The following ZNF469 variants were observed in gnomAD, a reference collection of about 807,000 sequenced individuals.
ZNF469 encodes the protein zinc finger protein 469.
ZNF469 carries 1 observed loss-of-function variant against 1.0 expected under a neutral mutation model. The ratio of observed to expected loss-of-function variants is 1.00; its 90% CI spans 0.35 to 4.73. The LOEUF (loss-of-function observed/expected upper bound fraction) is 4.73, where lower values mean the gene tolerates loss of function less well. Ranked by LOEUF, ZNF469 falls within the 30% of genes most tolerant of loss-of-function variation. ZNF469 has a pLI of 0.16. For missense variants in ZNF469, 6,100 were observed against 5,356.3 expected, an observed-to-expected ratio of 1.14 and a Z score of -4.33; for synonymous variants, 2,703 against 2,363.4, an observed-to-expected ratio of 1.14 and a Z score of -4.17.
the ZNF469 span, among the ~76,000 whole-genome samples, chr16:88,265,959 G>C: frequency 6.6e-6 from 1 of 152,194 alleles, no homozygotes; most frequent in Non-Finnish European, 1.5e-5. Context: ...GGTGGGATTG[G>C]CCCAAATTTG....
At position 88,432,424 on chromosome 16, in the gene ZNF469, G is replaced by T. The variant is rs1412404517; in HGVS notation, c.4954G>T (p.Gly1652Trp). 6.5e-7 allele frequency: 1 copy of T among 1,550,168 alleles called. No individual in the cohort carries two copies. The change falls in exon 3 of 3, where the codon GGG (glycine) becomes TGG (tryptophan). Residue 1652 changes from glycine (G) to tryptophan (W), a missense_variant. Transcript: ENST00000565624. ...SAVATVEAVQ[G>W]RPGGTWPCPA... is the part of the protein sequence containing the mutation. ...TGTGGCCACCGTGGAAGCGGTTCAG[G>T]GGAGGCCTGGGGGGACGTGGCCCTG...
the ZNF469 span, among the ~76,000 whole-genome samples, chr16:88,209,980 C>T: frequency 2.0e-5 from 3 of 152,290 alleles, no homozygotes; most frequent in Admixed American, 6.5e-5. Flanking sequence ...TCCTCCAAGA[C>T]GGTTTTACCA....
At chr16:88,165,547 A>G in the ZNF469 span, among the ~76,000 whole-genome samples, 1 of 152,076 alleles carries the variant, frequency 6.6e-6, no homozygotes, top group Non-Finnish European at 1.5e-5. Flanking sequence ...GCTGGTGAGA[A>G]TCTCTGGGGA....
chr16:88,305,753 G>T, the ZNF469 span, among the ~76,000 whole-genome samples: 5 of 152,040 alleles, frequency 3.3e-5, no homozygotes, highest in East Asian at 9.7e-4. Flanking sequence ...CATACACACG[G>T]AAACACACAT....
chr16:88,309,264 G>A, the ZNF469 span, among the ~76,000 whole-genome samples: 2 of 152,274 alleles, frequency 1.3e-5, no homozygotes, highest in African/African-American at 4.8e-5. Context: ...GGCAATTTGA[G>A]GAGGGTGGGA....
At chr16:88,164,917 A>G in the ZNF469 span, among the ~76,000 whole-genome samples, 1 of 152,198 alleles carries the variant, frequency 6.6e-6, no homozygotes, top group Non-Finnish European at 1.5e-5. Context: ...TGCTTTCCAA[A>G]TTGGCTCAGG....
upstream of ZNF469, among the ~76,000 whole-genome samples, chr16:88,380,141 ACT>A (rs796958331): frequency 0.013 from 767 of 60,558 alleles, 15 homozygotes; most frequent in African/African-American, 0.2. Flanking sequence ...ACAGACACAC[ACT>A]CACACACAAA....
chr16:88,348,412 C>T, the ZNF469 span, among the ~76,000 whole-genome samples: 2 of 152,308 alleles, frequency 1.3e-5, no homozygotes, highest in South Asian at 4.1e-4. Context: ...TCCATGACAC[C>T]AGAAAAGACT....
At chr16:88,391,943 A>G (rs1464353462) in intron 1 of ZNF469, among the ~76,000 whole-genome samples, 2 of 152,390 alleles carry the variant, frequency 1.3e-5, no homozygotes, top group Middle Eastern at 3.4e-3. Context: ...ATCTAAAGAT[A>G]TGATGTATGA....
At chr16:88,193,539 A>G in the ZNF469 span, 1 of 152,178 alleles carries the variant, frequency 6.6e-6, no homozygotes, top group Non-Finnish European at 1.5e-5. Flanking sequence ...ATATCTCTAC[A>G]GAACATTTTA....
At chr16:88,106,705 C>G in the ZNF469 span, among the ~76,000 whole-genome samples, 375 of 152,342 alleles carry the variant, frequency 2.5e-3, 3 homozygotes, top group African/African-American at 8.5e-3. Context: ...TTGGTCCCAG[C>G]GATGGGCATT....
the ZNF469 span, among the ~76,000 whole-genome samples, chr16:88,208,803 A>ACACACACACT: frequency 1.6e-5 from 2 of 123,564 alleles, no homozygotes; most frequent in African/African-American, 3.1e-5. Flanking sequence ...ACACACACAC[A>ACACACACACT]CTCTCTCTCT....
At chr16:88,104,420 C>G in the ZNF469 span, among the ~76,000 whole-genome samples, 1 of 152,086 alleles carries the variant, frequency 6.6e-6, no homozygotes, top group African/African-American at 2.4e-5. Flanking sequence ...CTCTCGCCGG[C>G]CCCTTGCATT....
the ZNF469 span, among the ~76,000 whole-genome samples, chr16:88,351,705 G>A: frequency 5.6e-5 from 8 of 142,118 alleles, no homozygotes; most frequent in Admixed American, 1.5e-4. Flanking sequence ...CCCCACCGCC[G>A]GCAGCAGGCC....
the ZNF469 span, among the ~76,000 whole-genome samples, chr16:88,299,246 C>T: frequency 7.1e-6 from 1 of 141,496 alleles, no homozygotes. Flanking sequence ...CAGCTTGCGG[C>T]GGGGTAGGCT....
intron 1 of ZNF469, among the ~76,000 whole-genome samples, chr16:88,394,411 G>C (rs1904595824): frequency 6.6e-6 from 1 of 152,222 alleles, no homozygotes; most frequent in Non-Finnish European, 1.5e-5. Flanking sequence ...ATTTCATTTA[G>C]CCCGGCATAA....
At chr16:88,418,462 G>A (rs567432511) in intron 1 of ZNF469, among the ~76,000 whole-genome samples, 10 of 152,244 alleles carry the variant, frequency 6.6e-5, no homozygotes, top group South Asian at 4.2e-4. Context: ...GGGGGCTGCC[G>A]TTCTTGCCTG....
In ZNF469 at chr16:88,438,873, CCA is replaced by C; in HGVS notation, c.11405_11406del (p.His3802ArgfsTer27). On this transcript the variant is annotated frameshift_variant, in exon 3 of 3. Coordinates refer to ENST00000565624, the MANE Select transcript of ZNF469 (RefSeq NM_001367624.2). LOFTEE classifies it low-confidence loss of function (END_TRUNC). ...GPREAGEQGP[H>X]GSLGPKEKGE... ...CAAGGGAAGCTGGTGAGCAGGGGCC[CCA>C]CGGGAGCCTAGGTCCCAAGGAGAAG... is the stretch of plus-strand genomic sequence containing the variant. 1 of 1,550,450 alleles carries C rather than the reference CCA, an allele frequency of 6.4e-7. No homozygotes were observed. Among genetic ancestry groups the C allele is most frequent in the Non-Finnish European group, 8.7e-7 (1 of 1,146,986 alleles).
At chr16:88,219,146 A>T in the ZNF469 span, among the ~76,000 whole-genome samples, 1 of 148,326 alleles carries the variant, frequency 6.7e-6, no homozygotes, top group East Asian at 2.0e-4. Flanking sequence ...AGAACATTCC[A>T]TGCTCATGGG....
Sources: allele counts gnomAD v4.1 joint callset (sites outside exome capture counted in the v4.1 genomes callset), GRCh38; gene constraint gnomAD v4.1.1; transcripts MANE v1.5; gene names NCBI Gene and HGNC (gene_info 2026-07-23, HGNC 2026-07-21).